CORIN: variants seen among roughly 807,000 people sequenced by gnomAD.
The protein encoded by CORIN is corin, serine peptidase.
CORIN carries 117 observed loss-of-function variants against 125.3 expected under a neutral mutation model. The observed-to-expected ratio is 0.93, with a 90% CI of 0.80 to 1.09. The LOEUF (loss-of-function observed/expected upper bound fraction) is 1.09. CORIN is among the 50% of genes least tolerant of loss of function. The pLI, the probability that CORIN is intolerant of heterozygous loss-of-function variation, is 0.00. For missense variants in CORIN, 1,253 were observed against 1,306.7 expected, an observed-to-expected ratio of 0.96 and a Z score of 0.63; for synonymous variants, 450 against 466.4, an observed-to-expected ratio of 0.96 and a Z score of 0.45.
intron 5 of CORIN, among the ~76,000 whole-genome samples, chr4:47,711,155 C>T (rs1726822140): frequency 6.6e-6 from 1 of 152,208 alleles, no homozygotes; most frequent in South Asian, 2.1e-4. Flanking sequence ...ACCCCTTGAT[C>T]ACTGTACCCA....
chr4:47,629,054 C>T (rs1722702150), intron 16 of CORIN, among the ~76,000 whole-genome samples: 1 of 152,088 alleles, frequency 6.6e-6, no homozygotes, highest in South Asian at 2.1e-4. Context: ...GATATATACC[C>T]AGAAGTGGGA....
chr4:47,611,135 G>A (rs1721851798), intron 19 of CORIN, among the ~76,000 whole-genome samples: 1 of 152,176 alleles, frequency 6.6e-6, no homozygotes. Context: ...TGTGAAGAAT[G>A]TCAATGGCAG....
intron 3 of CORIN, among the ~76,000 whole-genome samples, chr4:47,776,375 T>C (rs936185266): frequency 2.0e-5 from 3 of 149,522 alleles, no homozygotes; most frequent in African/African-American, 7.4e-5. Flanking sequence ...AACTTCAGCC[T>C]CCCAGGCTCA....
intron 1 of CORIN, among the ~76,000 whole-genome samples, chr4:47,827,168 T>C (rs939687631): frequency 1.3e-5 from 2 of 152,158 alleles, no homozygotes; most frequent in East Asian, 1.9e-4. Context: ...CTTTCAGTTG[T>C]TTTATTTTTG....
intron 4 of CORIN, among the ~76,000 whole-genome samples, chr4:47,746,602 T>C (rs987964413): frequency 1.8e-4 from 28 of 151,888 alleles, no homozygotes; most frequent in African/African-American, 6.0e-4. Flanking sequence ...AGTGGCGCCA[T>C]AGGCTCACTG....
rs1164258579 is a variant in CORIN, at chr4:47,680,155, T to A, written c.1118A>T (p.Asp373Val). The A allele has an allele frequency of 3.7e-6, 6 of 1,612,450 alleles. No homozygotes were observed. The highest frequency in any genetic ancestry group is 5.1e-6 in the Non-Finnish European group (6 of 1,178,610). Residue 373 changes from aspartate (D) to valine (V), a missense_variant, in exon 8 of 22, where the codon GAC (aspartate) becomes GTC (valine). Physicochemically the swap from Asp to Val is radical, Grantham distance 152. Coordinates refer to ENST00000273857, the MANE Select transcript of CORIN (RefSeq NM_006587.4). ...AGAGCACTCACAGCAGTTGACCTCG[T>A]CAGACTTATCCACACAGTCGTGGTC... is the stretch of plus-strand genomic sequence containing the variant. Reference protein sequence around the residue: ...DGDHDCVDKSDEVNCSCHSQG... With the variant: ...DGDHDCVDKSVEVNCSCHSQG...
At chr4:47,684,247 A>C (rs1725416185) in intron 6 of CORIN, among the ~76,000 whole-genome samples, 1 of 152,228 alleles carries the variant, frequency 6.6e-6, no homozygotes, top group Non-Finnish European at 1.5e-5. Flanking sequence ...CATAACAAAT[A>C]AAATAAGTCA....
intron 2 of CORIN, among the ~76,000 whole-genome samples, chr4:47,789,533 T>C (rs1033032426): frequency 6.6e-6 from 1 of 152,208 alleles, no homozygotes. Context: ...AAAGTATATT[T>C]TGGGGGAAGA....
chr4:47,637,115 G>A (rs1375244886), intron 16 of CORIN, among the ~76,000 whole-genome samples: 3 of 152,192 alleles, frequency 2.0e-5, no homozygotes, highest in African/African-American at 4.8e-5. Context: ...TTACCAAAGA[G>A]AGTGGTGGTA....
At position 47,627,559 on chromosome 4, in the gene CORIN, C is replaced by T. The variant is rs527921861; in HGVS notation, c.2199-1038G>A. ...AAATTTGAATTGACTGTTAGATTAC[C>T]GAAGATATCAAAAAAACCTCTTACA... is the stretch of plus-strand genomic sequence containing the variant. On this transcript the variant is annotated intron_variant, in intron 16 of 21. Transcript: ENST00000273857. Among the ~76,000 whole-genome samples, 4 of 152,100 alleles carry T rather than the reference C, an allele frequency of 2.6e-5. 1 individual carries two copies. Among genetic ancestry groups the T allele is most frequent in the African/African-American group, 9.6e-5 (4 of 41,500 alleles).
chr4:47,661,681 T>C (rs1724253768), intron 12 of CORIN, 30 bp downstream of exon 12: 3 of 1,579,108 alleles, frequency 1.9e-6, no homozygotes, highest in South Asian at 2.3e-5. Flanking sequence ...CCATGTTAGA[T>C]ACCCTGCTGT....
At chr4:47,729,994 C>T (rs1352156478) in intron 5 of CORIN, among the ~76,000 whole-genome samples, 1 of 152,132 alleles carries the variant, frequency 6.6e-6, no homozygotes, top group Non-Finnish European at 1.5e-5. Flanking sequence ...TCGCTGAGAG[C>T]CACCTCCACC....
rs774413600 is a variant in CORIN, at chr4:47,665,158, C to T, written c.1463G>A (p.Ser488Asn). 1 of 1,613,816 alleles carries T rather than the reference C, an allele frequency of 6.2e-7. No homozygotes were observed. The highest frequency in any genetic ancestry group is 1.3e-5 in the African/African-American group (1 of 74,924). The change falls in exon 11 of 22, where the codon AGC (serine) becomes AAC (asparagine). Residue 488 changes from serine (S) to asparagine (N), a missense_variant. Transcript: ENST00000273857. Reference sequence around the variant, plus strand: ...TGCAGGGAAAAGAGAAGACTCCCAGCTGATGGATGCTTCCTTTTGAGTCCT... The same window carrying T: ...TGCAGGGAAAAGAGAAGACTCCCAGTTGATGGATGCTTCCTTTTGAGTCCT... ...GHRTQKEASI[S>N]WESSLFPALV... is the part of the protein sequence containing the mutation.
chr4:47,708,660 AC>A (rs1339669950), intron 5 of CORIN, among the ~76,000 whole-genome samples: 1 of 152,120 alleles, frequency 6.6e-6, no homozygotes, highest in East Asian at 1.9e-4. Context: ...CAAATGGCTG[AC>A]TCAAGCAAGT....
At chr4:47,785,841 G>C (rs893724932) in intron 3 of CORIN, among the ~76,000 whole-genome samples, 2 of 149,828 alleles carry the variant, frequency 1.3e-5, no homozygotes, top group African/African-American at 4.9e-5. Flanking sequence ...GAACCCAGGA[G>C]GCAGAGATTG....
At chr4:47,711,367 T>C (rs1276963019) in intron 5 of CORIN, among the ~76,000 whole-genome samples, 1 of 152,246 alleles carries the variant, frequency 6.6e-6, no homozygotes, top group African/African-American at 2.4e-5. Context: ...CCCTTTGTGA[T>C]AGGTGCAGCC....
At chr4:47,777,751 G>A (rs936515335) in intron 3 of CORIN, among the ~76,000 whole-genome samples, 2 of 152,208 alleles carry the variant, frequency 1.3e-5, no homozygotes, top group African/African-American at 2.4e-5. Context: ...TTGAAAAGAT[G>A]TAAAGCTTTT....
At chr4:47,820,159 G>T (rs1668106938) in intron 1 of CORIN, among the ~76,000 whole-genome samples, 1 of 152,132 alleles carries the variant, frequency 6.6e-6, no homozygotes, top group African/African-American at 2.4e-5. Context: ...CATAGTGGCA[G>T]TCAAAAGAAA....
At chr4:47,824,387 C>G in intron 1 of CORIN, among the ~76,000 whole-genome samples, 1 of 151,850 alleles carries the variant, frequency 6.6e-6, no homozygotes, top group Non-Finnish European at 1.5e-5. Context: ...TAAAACAACT[C>G]GGACCACTGA....
Sources: allele counts gnomAD v4.1 joint callset (sites outside exome capture counted in the v4.1 genomes callset), GRCh38; gene constraint gnomAD v4.1.1; transcripts MANE v1.5; gene names NCBI Gene and HGNC (gene_info 2026-07-23, HGNC 2026-07-21).